The following DAP variants were observed in gnomAD, a reference collection of about 807,000 sequenced individuals.
DAP encodes death-associated protein 1.
A neutral mutation model predicts 13.8 loss-of-function variants in DAP; 8 were observed. The observed-to-expected ratio is 0.58, with a 90% CI of 0.34 to 1.05. The LOEUF is 1.05. Ranked by LOEUF, DAP falls within the 50% of genes least tolerant of loss-of-function variation. The pLI is 0.03. For synonymous variants in DAP, 47 were observed against 47.5 expected, an observed-to-expected ratio of 0.99 and a Z score of 0.04; for missense variants, 106 against 133.2, an observed-to-expected ratio of 0.80 and a Z score of 1.01.
chr5:10,713,602 C>A (rs1204954195), intron 2 of DAP, among the ~76,000 whole-genome samples: 1 of 152,236 alleles, frequency 6.6e-6, no homozygotes, highest in Non-Finnish European at 1.5e-5. Flanking sequence ...CACAATCACA[C>A]AGGCAACAGG....
chr5:10,729,571 C>A (rs2126665240), intron 2 of DAP, among the ~76,000 whole-genome samples: 1 of 152,300 alleles, frequency 6.6e-6, no homozygotes, highest in African/African-American at 2.4e-5. Flanking sequence ...GAGGTTTTGT[C>A]AAATTCTTGG....
At chr5:10,683,387 A>G (rs938530241) in intron 3 of DAP, 142 bp downstream of exon 3, 2 of 873,330 alleles carry the variant, frequency 2.3e-6, no homozygotes, top group East Asian at 2.4e-5. Flanking sequence ...AAACGCGGCA[A>G]TGAAGAGAGC....
In DAP at chr5:10,702,056, C is replaced by T. The variant is rs1738592147; in HGVS notation, c.153-18485G>A. On this transcript the variant is annotated intron_variant, in intron 2 of 3. Transcript: ENST00000230895. ...GACTTATACTTTCCCAGCTGTGTTG[C>T]CATAAGAACTTCCCAACATGGCTTT... 3.3e-5 allele frequency among the ~76,000 whole-genome samples: 5 copies of T among 152,296 alleles called. No individual in the cohort carries two copies. The South Asian group carries it at 1.0e-3, about 32-fold the overall frequency.
At chr5:10,724,859 A>T (rs978760138) in intron 2 of DAP, among the ~76,000 whole-genome samples, 1 of 152,130 alleles carries the variant, frequency 6.6e-6, no homozygotes, top group Non-Finnish European at 1.5e-5. Context: ...ATCTGGACAG[A>T]GTCAAGCTCT....
rs1359770171 is a variant in DAP, at chr5:10,734,829, T to C, written c.152+13346A>G. Reference sequence around the variant, plus strand: ...CAATTATTTAGCTGGGAAAATGAGCTAAACATGAAGATATATTCTATTTAC... The same window carrying C: ...CAATTATTTAGCTGGGAAAATGAGCCAAACATGAAGATATATTCTATTTAC... On this transcript the variant is annotated intron_variant, in intron 2 of 3. Coordinates refer to ENST00000230895, the MANE Select transcript of DAP (RefSeq NM_004394.3). 2.0e-5 allele frequency among the ~76,000 whole-genome samples: 3 copies of C among 152,256 alleles called. No homozygotes were observed. The East Asian group carries it at 5.8e-4, about 29-fold the overall frequency.
intron 2 of DAP, among the ~76,000 whole-genome samples, chr5:10,687,928 T>TTTTTTTG: frequency 7.2e-6 from 1 of 139,432 alleles, no homozygotes; most frequent in Non-Finnish European, 1.5e-5. Context: ...TTTTTTTTTT[T>TTTTTTTG]ACAGAGGGAG....
chr5:10,741,325 C>A (rs946539367), intron 2 of DAP, among the ~76,000 whole-genome samples: 2 of 152,132 alleles, frequency 1.3e-5, no homozygotes, highest in Admixed American at 1.3e-4. Flanking sequence ...TGCAATCCAG[C>A]CTGGGTGGCA....
chr5:10,716,865 A>G (rs1182203201), intron 2 of DAP, among the ~76,000 whole-genome samples: 3 of 152,354 alleles, frequency 2.0e-5, no homozygotes, highest in African/African-American at 7.2e-5. Context: ...GTAGAGGAAC[A>G]GAATATTAAG....
intron 2 of DAP, among the ~76,000 whole-genome samples, chr5:10,727,386 A>G (rs1739315344): frequency 6.6e-6 from 1 of 152,252 alleles, no homozygotes; most frequent in Non-Finnish European, 1.5e-5. Flanking sequence ...GGCTGTCAGG[A>G]AAGGGTTCCT....
At chr5:10,683,404 C>A in intron 3 of DAP, 125 bp downstream of exon 3, 1 of 959,530 alleles carries the variant, frequency 1.0e-6, no homozygotes, top group South Asian at 1.3e-5. Context: ...GAGCCATGGC[C>A]ACAGAGGAGA....
In DAP at chr5:10,761,052, T is replaced by C. The variant is rs1447389158; in HGVS notation, c.17A>G (p.Glu6Gly). 2 of 1,219,430 alleles carry C rather than the reference T, an allele frequency of 1.6e-6. No individual in the cohort carries two copies. The highest frequency in any genetic ancestry group is 2.1e-6 in the Non-Finnish European group (2 of 968,736). The allele number at this position is 1,219,430 out of a possible 1,614,324, so 75.5% of individuals were successfully genotyped here. ...TCCAGCTTTAGTCTCTAGTTTCCCT[T>C]CGGGAGGCGAAGACATGACGCGGCG... is the stretch of plus-strand genomic sequence containing the variant. MSSPP[E>G]GKLETKAGHP... The change falls in exon 1 of 4, where the codon GAA becomes GGA. Residue 6 changes from glutamate to glycine, a missense_variant. Coordinates refer to ENST00000230895, the MANE Select transcript of DAP (RefSeq NM_004394.3).
chr5:10,699,219 T>C (rs1275140866), intron 2 of DAP, among the ~76,000 whole-genome samples: 1 of 152,258 alleles, frequency 6.6e-6, no homozygotes, highest in Non-Finnish European at 1.5e-5. Flanking sequence ...TGTCTGTCTG[T>C]CTACGGTGTT....
rs1001991358 is a variant in DAP, at chr5:10,691,502, C to T, written c.153-7931G>A. Among the ~76,000 whole-genome samples the T allele has an allele frequency of 2.6e-5, 4 of 152,210 alleles. No homozygotes were observed. The South Asian group carries it at 8.3e-4, about 32-fold the overall frequency. ...GGTGTAAGGCTGTACATGCAAAACA[C>T]ACCTATTTTAAATGCCATTAGGCTT... is the stretch of plus-strand genomic sequence containing the variant. On this transcript the variant is annotated intron_variant, in intron 2 of 3. Transcript: ENST00000230895.
rs551308909 is a variant in DAP at position 10,736,830 on chromosome 5, T to C, written c.152+11345A>G. Among the ~76,000 whole-genome samples, 266 of 152,354 alleles carry C rather than the reference T, an allele frequency of 1.7e-3. 5 individuals are homozygous for C. The highest frequency in any genetic ancestry group is 2.8e-4 in the Non-Finnish European group (19 of 68,028). Reference sequence around the variant, plus strand: ...CTGCTTTTTATTCTGAGGGTCTTGCTGTACCTTCCTTACAGCTTCTCCCTG... The same window carrying C: ...CTGCTTTTTATTCTGAGGGTCTTGCCGTACCTTCCTTACAGCTTCTCCCTG... On this transcript the variant is annotated intron_variant, in intron 2 of 3. Transcript: ENST00000230895.
At chr5:10,683,662 CT>C in intron 2 of DAP, 91 bp from the exon 3 acceptor site, 1 of 1,263,392 alleles carries the variant, frequency 7.9e-7, no homozygotes, top group Non-Finnish European at 1.2e-6. Flanking sequence ...ATGAGCCAGG[CT>C]GGAGGGCGTG....
intron 2 of DAP, among the ~76,000 whole-genome samples, chr5:10,696,021 T>G (rs1459533301): frequency 6.6e-6 from 1 of 152,100 alleles, no homozygotes; most frequent in Non-Finnish European, 1.5e-5. Flanking sequence ...ACCTTCATTT[T>G]CCCTCTAGAC....
intron 2 of DAP, among the ~76,000 whole-genome samples, chr5:10,691,688 C>T (rs1414230804): frequency 2.0e-5 from 3 of 152,182 alleles, no homozygotes; most frequent in Non-Finnish European, 4.4e-5. Context: ...ACCCTGCCCG[C>T]CCCATATCCT....
At chr5:10,737,049 A>G (rs1739628574) in intron 2 of DAP, among the ~76,000 whole-genome samples, 1 of 152,200 alleles carries the variant, frequency 6.6e-6, no homozygotes, top group Non-Finnish European at 1.5e-5. Context: ...CAGGGCACTC[A>G]CAATATTGGA....
intron 2 of DAP, among the ~76,000 whole-genome samples, chr5:10,730,836 G>A (rs1161251398): frequency 3.7e-4 from 39 of 104,952 alleles, no homozygotes; most frequent in East Asian, 6.3e-4. Context: ...TGAGAGCCCT[G>A]GTGGGGGGGA....
Sources: gnomAD v4.1 joint callset for allele counts (sites outside exome capture counted in the v4.1 genomes callset) on GRCh38, gnomAD v4.1.1 for gene constraint, MANE v1.5 for transcripts, NCBI Gene and HGNC (gene_info 2026-07-23, HGNC 2026-07-21) for gene names.